SHISA9: variants seen among roughly 807,000 people sequenced by gnomAD.
SHISA9 encodes the protein protein shisa-9.
In SHISA9, 13 loss-of-function variants were observed where a neutral mutation model predicts 38.0. The ratio of observed to expected loss-of-function variants is 0.34; its 90% confidence interval spans 0.22 to 0.54. SHISA9 has a LOEUF of 0.54. Ranked by LOEUF, SHISA9 falls within the 20% of genes least tolerant of loss-of-function variation. SHISA9 has a pLI of 0.91. For missense variants in SHISA9, 538 were observed against 575.8 expected, an observed-to-expected ratio of 0.93 and a Z score of 0.67; for synonymous variants, 275 against 242.0, an observed-to-expected ratio of 1.14 and a Z score of -1.27.
At chr16:13,094,601 C>G (rs566607577) in intron 2 of SHISA9, among the ~76,000 whole-genome samples, 36 of 152,194 alleles carry the variant, frequency 2.4e-4, no homozygotes, top group African/African-American at 8.7e-4. Context: ...GTGTCAATAC[C>G]ACACATACTG....
rs542564549 is a variant in SHISA9 at position 13,097,380 on chromosome 16, G to A, written c.692-106014G>A. On this transcript the variant is annotated intron_variant, in intron 2 of 4. Transcript: ENST00000558583. ...GGCACTTTATGGGATGAGCCATCAC[G>A]CGGTGGAATGCCCGACATCATAGTG... Among the ~76,000 whole-genome samples the A allele has an allele frequency of 5.3e-5, 8 of 151,988 alleles. No individual in the cohort carries two copies. The South Asian group carries it at 1.0e-3, about 20-fold the overall frequency.
chr16:13,342,510 T>A, the SHISA9 span, among the ~76,000 whole-genome samples: 1 of 152,266 alleles, frequency 6.6e-6, no homozygotes, highest in Non-Finnish European at 1.5e-5. Flanking sequence ...GGTCTCAAAC[T>A]CCTGACCTCA....
chr16:13,466,594 A>G, the SHISA9 span, among the ~76,000 whole-genome samples: 2 of 152,220 alleles, frequency 1.3e-5, no homozygotes, highest in Non-Finnish European at 2.9e-5. Context: ...TAAAAAAAGT[A>G]ATTATAAATG....
At chr16:12,973,044 A>C (rs184598981) in intron 2 of SHISA9, among the ~76,000 whole-genome samples, 106 of 152,282 alleles carry the variant, frequency 7.0e-4, no homozygotes, top group Middle Eastern at 3.4e-3. Context: ...TGAACCTGGG[A>C]GGCGGAGGTT....
At chr16:12,925,050 GT>G (rs2071376082) in intron 2 of SHISA9, among the ~76,000 whole-genome samples, 1 of 147,548 alleles carries the variant, frequency 6.8e-6, no homozygotes, top group Non-Finnish European at 1.5e-5. Flanking sequence ...TGGTGCGAAA[GT>G]TGGCTGTTCA....
the SHISA9 span, among the ~76,000 whole-genome samples, chr16:13,503,674 T>A: frequency 8.7e-6 from 1 of 114,938 alleles, no homozygotes; most frequent in Non-Finnish European, 1.8e-5. Context: ...GCGTTCTTGA[T>A]GGAAGGAGTG....
chr16:12,910,876 G>C (rs760524220), intron 1 of SHISA9: 3 of 362,098 alleles, frequency 8.3e-6, no homozygotes, highest in African/African-American at 2.2e-5. Flanking sequence ...TGGGGCAAAG[G>C]TCAGTGTTTT....
At chr16:12,964,130 C>G (rs901912188) in intron 2 of SHISA9, among the ~76,000 whole-genome samples, 4 of 152,156 alleles carry the variant, frequency 2.6e-5, no homozygotes, top group African/African-American at 9.7e-5. Flanking sequence ...TGTTAAGAAT[C>G]AGTGCATTGC....
the SHISA9 span, among the ~76,000 whole-genome samples, chr16:13,487,113 T>C: frequency 6.6e-6 from 1 of 152,250 alleles, no homozygotes. Context: ...TTCCACCTCT[T>C]TCTTCATTGC....
the SHISA9 span, among the ~76,000 whole-genome samples, chr16:13,427,575 A>G: frequency 6.6e-6 from 1 of 152,210 alleles, no homozygotes; most frequent in Non-Finnish European, 1.5e-5. Context: ...ATGATGAAAG[A>G]CAGGAAGGAC....
chr16:12,912,822 G>A (rs142559384), intron 1 of SHISA9, among the ~76,000 whole-genome samples: 67 of 152,254 alleles, frequency 4.4e-4, no homozygotes, highest in African/African-American at 1.4e-3. Context: ...ACCTTGTCAC[G>A]TGCCCCTGCT....
chr16:13,437,739 C>T, the SHISA9 span, among the ~76,000 whole-genome samples: 1 of 152,112 alleles, frequency 6.6e-6, no homozygotes, highest in Non-Finnish European at 1.5e-5. Flanking sequence ...CCAGATGATC[C>T]TTGACTCATG....
the SHISA9 span, among the ~76,000 whole-genome samples, chr16:13,382,276 C>G: frequency 6.6e-6 from 1 of 151,968 alleles, no homozygotes; most frequent in South Asian, 2.1e-4. Flanking sequence ...GCCTGTAATC[C>G]CAGCACTTTG....
At chr16:13,367,708 GCGCGCACACACACACACACACACA>G in the SHISA9 span, among the ~76,000 whole-genome samples, 5 of 116,672 alleles carry the variant, frequency 4.3e-5, no homozygotes, top group Admixed American at 8.3e-5. Context: ...GCGCGCGCGC[GCGCGCACACACACACACACACACA>G]CACACACACA....
the SHISA9 span, among the ~76,000 whole-genome samples, chr16:13,430,465 C>T: frequency 6.6e-6 from 1 of 152,238 alleles, no homozygotes; most frequent in Non-Finnish European, 1.5e-5. Context: ...TCCACTGTAA[C>T]AAGTCCTAGT....
the SHISA9 span, among the ~76,000 whole-genome samples, chr16:13,549,561 C>T: frequency 1.3e-5 from 2 of 151,946 alleles, no homozygotes; most frequent in Admixed American, 1.3e-4. Flanking sequence ...GAAAAAAAAA[C>T]TCTAATAGTA....
the SHISA9 span, among the ~76,000 whole-genome samples, chr16:13,441,658 C>T: frequency 2.6e-5 from 4 of 152,174 alleles, no homozygotes; most frequent in African/African-American, 9.7e-5. Context: ...ATTCCCCTGT[C>T]CAGTCTGCCC....
the SHISA9 span, among the ~76,000 whole-genome samples, chr16:13,478,529 T>C: frequency 2.0e-3 from 307 of 152,314 alleles, 1 homozygote; most frequent in Non-Finnish European, 3.3e-3. Context: ...TCCTTGTGCA[T>C]CAGTTCCTGC....
chr16:13,372,898 G>A, the SHISA9 span, among the ~76,000 whole-genome samples: 1 of 139,766 alleles, frequency 7.2e-6, no homozygotes, highest in Non-Finnish European at 1.5e-5. Context: ...CCTTTCATAT[G>A]AAATTTTAAT....
Sources: gnomAD v4.1 joint callset for allele counts (sites outside exome capture counted in the v4.1 genomes callset) on GRCh38, gnomAD v4.1.1 for gene constraint, MANE v1.5 for transcripts, NCBI Gene and HGNC (gene_info 2026-07-23, HGNC 2026-07-21) for gene names.